GPR158: variants seen among roughly 807,000 people sequenced by gnomAD.
GPR158 encodes G protein-coupled receptor 158, also known as metabotropic glycine receptor.
GPR158 carries 30 observed loss-of-function variants against 78.2 expected under a neutral mutation model. That is an observed-to-expected ratio of 0.38 (90% CI 0.29 to 0.52). GPR158 has a LOEUF of 0.52. Ranked by LOEUF, GPR158 falls within the 20% of genes least tolerant of loss-of-function variation. The pLI, the probability that GPR158 is intolerant of heterozygous loss-of-function variation, is 0.83. For missense variants in GPR158, 1,463 were observed against 1,523.5 expected, an observed-to-expected ratio of 0.96 and a Z score of 0.66; for synonymous variants, 581 against 591.1, an observed-to-expected ratio of 0.98 and a Z score of 0.25.
intron 1 of GPR158, among the ~76,000 whole-genome samples, chr10:25,200,266 G>A (rs1205546489): frequency 2.6e-5 from 4 of 152,090 alleles, no homozygotes; most frequent in African/African-American, 9.7e-5. Context: ...AATGATTAGC[G>A]ATGTTGAGCA....
At chr10:25,373,614 G>C (rs1001849421) in intron 2 of GPR158, among the ~76,000 whole-genome samples, 1 of 151,710 alleles carries the variant, frequency 6.6e-6, no homozygotes, top group Admixed American at 6.6e-5. Flanking sequence ...CTTTTTATGT[G>C]TCATATTTAC....
chr10:25,273,441 G>A (rs1381116454), intron 2 of GPR158, among the ~76,000 whole-genome samples: 1 of 115,272 alleles, frequency 8.7e-6, no homozygotes, highest in African/African-American at 3.3e-5. Context: ...ATGAAGTAAA[G>A]ATTTTTGGTT....
chr10:25,271,683 T>C (rs547706814), intron 2 of GPR158, among the ~76,000 whole-genome samples: 7 of 152,310 alleles, frequency 4.6e-5, no homozygotes, highest in South Asian at 4.1e-4. Context: ...ATTTTTGAGA[T>C]GGAGTTTCCT....
chr10:25,468,657 T>C (rs1051935389), intron 5 of GPR158, among the ~76,000 whole-genome samples: 2 of 152,192 alleles, frequency 1.3e-5, no homozygotes, highest in African/African-American at 4.8e-5. Flanking sequence ...TGTATGGTGC[T>C]AGTGGCTTAG....
intron 2 of GPR158, among the ~76,000 whole-genome samples, chr10:25,337,241 C>CTT (rs2130500137): frequency 6.6e-6 from 1 of 152,152 alleles, no homozygotes; most frequent in Admixed American, 6.6e-5. Context: ...AAAGAGAACA[C>CTT]ACCCATGTAA....
intron 2 of GPR158, among the ~76,000 whole-genome samples, chr10:25,242,751 C>CA (rs1853643361): frequency 6.6e-6 from 1 of 151,398 alleles, no homozygotes; most frequent in Non-Finnish European, 1.5e-5. Context: ...CTTTTTTTTC[C>CA]AATTTTATCA....
At chr10:25,401,327 C>T (rs887682582) in intron 3 of GPR158, among the ~76,000 whole-genome samples, 7 of 152,152 alleles carry the variant, frequency 4.6e-5, no homozygotes, top group African/African-American at 1.4e-4. Context: ...TAGTCCTAAT[C>T]GGTTTTACTC....
At chr10:25,569,875 C>A (rs1836981589) in intron 6 of GPR158, among the ~76,000 whole-genome samples, 1 of 152,176 alleles carries the variant, frequency 6.6e-6, no homozygotes, top group Non-Finnish European at 1.5e-5. Flanking sequence ...AAAATTATAT[C>A]TTATACCTTC....
chr10:25,335,068 T>C (rs934788028), intron 2 of GPR158, among the ~76,000 whole-genome samples: 1 of 152,104 alleles, frequency 6.6e-6, no homozygotes, highest in Non-Finnish European at 1.5e-5. Context: ...TCTGGGCTAC[T>C]GGGAGACCCC....
intron 5 of GPR158, among the ~76,000 whole-genome samples, chr10:25,542,280 AACTGCTGTGTTCAACAC>A (rs1291864664): frequency 6.6e-6 from 1 of 152,136 alleles, no homozygotes; most frequent in African/African-American, 2.4e-5. Context: ...AGGAAAGGGG[AACTGCTGTGTTCAACAC>A]TATTGCTCAG....
intron 4 of GPR158, among the ~76,000 whole-genome samples, chr10:25,418,959 G>T (rs1025830184): frequency 4.6e-5 from 7 of 151,508 alleles, no homozygotes; most frequent in Admixed American, 3.9e-4. Flanking sequence ...TTTGAAAAAT[G>T]AGATGTTTTA....
At chr10:25,547,997 T>C (rs1484153547) in intron 5 of GPR158, among the ~76,000 whole-genome samples, 1 of 152,166 alleles carries the variant, frequency 6.6e-6, no homozygotes, top group East Asian at 1.9e-4. Flanking sequence ...TCTGATGTTT[T>C]TTATGGCTTC....
chr10:25,420,627 G>A (rs946942981), intron 4 of GPR158, among the ~76,000 whole-genome samples: 2 of 152,086 alleles, frequency 1.3e-5, no homozygotes, highest in Non-Finnish European at 2.9e-5. Context: ...TCCATTTTGA[G>A]TTAATTTTTA....
chr10:25,348,107 G>C (rs1855400272), intron 2 of GPR158, among the ~76,000 whole-genome samples: 1 of 152,006 alleles, frequency 6.6e-6, no homozygotes, highest in Non-Finnish European at 1.5e-5. Flanking sequence ...ACCTGCCAAA[G>C]AGTTAATGCA....
intron 4 of GPR158, among the ~76,000 whole-genome samples, chr10:25,429,239 A>C (rs1299684452): frequency 6.6e-6 from 1 of 152,120 alleles, no homozygotes; most frequent in African/African-American, 2.4e-5. Flanking sequence ...ACATAAGTGA[A>C]TTTCAAATAA....
At chr10:25,557,538 C>G (rs944715848) in intron 6 of GPR158, among the ~76,000 whole-genome samples, 1 of 152,222 alleles carries the variant, frequency 6.6e-6, no homozygotes, top group East Asian at 1.9e-4. Context: ...CCCACCCTGC[C>G]GCCTCCAGTG....
intron 5 of GPR158, among the ~76,000 whole-genome samples, chr10:25,472,393 G>A (rs1392676702): frequency 6.6e-6 from 1 of 152,200 alleles, no homozygotes; most frequent in African/African-American, 2.4e-5. Flanking sequence ...AAGTCAGGTA[G>A]TGTGATGCCT....
intron 2 of GPR158, among the ~76,000 whole-genome samples, chr10:25,310,506 CT>C (rs1283642390): frequency 6.6e-6 from 1 of 152,132 alleles, no homozygotes; most frequent in Admixed American, 6.6e-5. Flanking sequence ...AGTATTAAGT[CT>C]TCCAATTCAT....
chr10:25,287,220 G>A (rs189918663), intron 2 of GPR158, among the ~76,000 whole-genome samples: 4 of 151,376 alleles, frequency 2.6e-5, no homozygotes, highest in East Asian at 3.9e-4. Context: ...GCTCTTCCCC[G>A]AGATATAGGG....
Sources: allele counts gnomAD v4.1 joint callset (sites outside exome capture counted in the v4.1 genomes callset), GRCh38; gene constraint gnomAD v4.1.1; transcripts MANE v1.5; gene names NCBI Gene and HGNC (gene_info 2026-07-23, HGNC 2026-07-21).